Variants in SYNPR observed in about 807,000 individuals in gnomAD.
The protein encoded by SYNPR is synaptoporin.
A neutral mutation model predicts 32.9 loss-of-function variants in SYNPR; 23 were observed. That is an observed-to-expected ratio of 0.70 (90% confidence interval 0.50 to 0.99). The LOEUF (loss-of-function observed/expected upper bound fraction) is 0.99. Among genes scored for constraint, SYNPR ranks in the 50% least tolerant of loss-of-function variants. SYNPR has a pLI of 0.00. For synonymous variants in SYNPR, 146 were observed against 135.9 expected, an observed-to-expected ratio of 1.07 and a Z score of -0.52; for missense variants, 318 against 349.3, an observed-to-expected ratio of 0.91 and a Z score of 0.71.
In SYNPR at chr3:63,352,679, G is replaced by C. The variant is rs1009381594; in HGVS notation, c.84+73937G>C. ...TCATGCTGCTAATAAATAAATACCC[G>C]AGACTGGGTAATCTATAAAGGAAAG... is the stretch of plus-strand genomic sequence containing the variant. On this transcript the variant is annotated intron_variant, in intron 2 of 5. Coordinates refer to ENST00000478300, the MANE Select transcript of SYNPR (RefSeq NM_001130003.2). Among the ~76,000 whole-genome samples, 8 of 152,238 alleles carry C rather than the reference G, an allele frequency of 5.3e-5. No individual in the cohort carries two copies. The South Asian group carries it at 1.7e-3, about 32-fold the overall frequency.
At chr3:63,544,064 G>A (rs767097619) in intron 3 of SYNPR, among the ~76,000 whole-genome samples, 9 of 152,022 alleles carry the variant, frequency 5.9e-5, no homozygotes, top group South Asian at 2.1e-4. Context: ...AGAGGAAACC[G>A]TTGGAGAAGA....
chr3:63,459,574 C>G (rs1237135333), intron 2 of SYNPR, among the ~76,000 whole-genome samples: 2 of 152,096 alleles, frequency 1.3e-5, no homozygotes, highest in African/African-American at 2.4e-5. Context: ...TTAGATTATC[C>G]AGGACTCACT....
intron 2 of SYNPR, among the ~76,000 whole-genome samples, chr3:63,471,778 A>G (rs1168354072): frequency 6.6e-6 from 1 of 152,188 alleles, no homozygotes; most frequent in African/African-American, 2.4e-5. Context: ...AAATCATGAA[A>G]GGAGATGGGA....
intron 2 of SYNPR, among the ~76,000 whole-genome samples, chr3:63,345,515 A>G (rs1313857342): frequency 6.6e-6 from 1 of 152,140 alleles, no homozygotes; most frequent in Non-Finnish European, 1.5e-5. Context: ...GAAAATTGTC[A>G]TGACAAGAGG....
chr3:63,562,086 G>A (rs1453774101), intron 4 of SYNPR, among the ~76,000 whole-genome samples: 1 of 152,154 alleles, frequency 6.6e-6, no homozygotes, highest in African/African-American at 2.4e-5. Context: ...AAGCAGAAAT[G>A]TCCGTGTGAA....
intron 2 of SYNPR, among the ~76,000 whole-genome samples, chr3:63,397,296 G>C (rs973452698): frequency 1.3e-5 from 2 of 152,092 alleles, no homozygotes; most frequent in African/African-American, 4.8e-5. Flanking sequence ...TCAGGAAAAT[G>C]CAAGGGTTGA....
the SYNPR span, chr3:63,203,068 G>GTGTGTATATATATATATATA: frequency 6.7e-4 from 73 of 108,486 alleles, no homozygotes; most frequent in African/African-American, 2.8e-3. Context: ...ATATGTATGT[G>GTGTGTATATATATATATATA]TATATATATA....
intron 2 of SYNPR, chr3:63,443,284 C>T (rs745871887): frequency 3.3e-5 from 49 of 1,467,000 alleles, no homozygotes; most frequent in South Asian, 4.4e-5. Context: ...ATTGGTATAA[C>T]ATCTCACTTT....
At chr3:63,277,366 T>A (rs1226311443), upstream of SYNPR, among the ~76,000 whole-genome samples, 2 of 152,214 alleles carry the variant, frequency 1.3e-5, no homozygotes, top group Admixed American at 6.5e-5. Context: ...GTTTTTATTA[T>A]ATTCAGCAAG....
intron 3 of SYNPR, among the ~76,000 whole-genome samples, chr3:63,533,623 C>T (rs2106792459): frequency 6.6e-6 from 1 of 152,066 alleles, no homozygotes; most frequent in East Asian, 1.9e-4. Flanking sequence ...AAACTGGCCT[C>T]CAAAACATAC....
At chr3:63,222,994 A>C in the SYNPR span, among the ~76,000 whole-genome samples, 1 of 151,902 alleles carries the variant, frequency 6.6e-6, no homozygotes, top group Non-Finnish European at 1.5e-5. Context: ...TAGATCAGGC[A>C]CTCTCCCAGG....
At chr3:63,612,691 G>A (rs937678539) in intron 5 of SYNPR, among the ~76,000 whole-genome samples, 1 of 152,092 alleles carries the variant, frequency 6.6e-6, no homozygotes, top group Non-Finnish European at 1.5e-5. Flanking sequence ...CCTTAAATAT[G>A]CCCATTGAAA....
chr3:63,519,274 A>G (rs1701860835), intron 3 of SYNPR, among the ~76,000 whole-genome samples: 1 of 152,188 alleles, frequency 6.6e-6, no homozygotes, highest in South Asian at 2.1e-4. Flanking sequence ...CCTCACTTTA[A>G]TTCTGGCACC....
intron 2 of SYNPR, among the ~76,000 whole-genome samples, chr3:63,383,795 G>C (rs950328220): frequency 6.6e-6 from 1 of 152,118 alleles, no homozygotes; most frequent in African/African-American, 2.4e-5. Flanking sequence ...CTCTATAATA[G>C]TTTAATAAAT....
the SYNPR span, among the ~76,000 whole-genome samples, chr3:63,222,109 T>C: frequency 5.4e-5 from 8 of 147,260 alleles, no homozygotes; most frequent in East Asian, 2.0e-4. Context: ...AGGTCCCTGA[T>C]AGTTTTGAGA....
At chr3:63,353,923 A>C (rs919589621) in intron 2 of SYNPR, among the ~76,000 whole-genome samples, 1 of 152,154 alleles carries the variant, frequency 6.6e-6, no homozygotes, top group African/African-American at 2.4e-5. Context: ...TAATGCTTTA[A>C]ATGTGAAGGA....
intron 1 of SYNPR, among the ~76,000 whole-genome samples, chr3:63,236,065 T>A (rs2086198493): frequency 1.1e-5 from 1 of 89,862 alleles, no homozygotes; most frequent in South Asian, 5.4e-4. Flanking sequence ...AGCTGAGGTT[T>A]CTTTTTTTTT....
chr3:63,515,294 A>G (rs898192121), intron 3 of SYNPR, among the ~76,000 whole-genome samples: 1 of 151,960 alleles, frequency 6.6e-6, no homozygotes, highest in African/African-American at 2.4e-5. Flanking sequence ...CCTCCTCAGT[A>G]TCTAAAGTCC....
chr3:63,433,178 C>T (rs1700022855), intron 2 of SYNPR, among the ~76,000 whole-genome samples: 1 of 152,182 alleles, frequency 6.6e-6, no homozygotes, highest in Non-Finnish European at 1.5e-5. Context: ...AATGTCAGAA[C>T]AAGTGGCGCT....
Sources: allele counts gnomAD v4.1 joint callset (sites outside exome capture counted in the v4.1 genomes callset), GRCh38; gene constraint gnomAD v4.1.1; transcripts MANE v1.5; gene names NCBI Gene and HGNC (gene_info 2026-07-23, HGNC 2026-07-21).